The following PLPP1 variants were observed in gnomAD, a reference collection of about 807,000 sequenced individuals.
PLPP1 encodes the protein lipid phosphate phosphohydrolase 1a.
Under a neutral mutation model 31.2 loss-of-function variants are expected in PLPP1, and 24 were observed. That is an observed-to-expected ratio of 0.77 (90% CI 0.56 to 1.08). The LOEUF is 1.08. PLPP1 is among the 50% of genes least tolerant of loss of function. The pLI is 0.00. For missense variants in PLPP1, 319 were observed against 342.7 expected (o/e 0.93, Z 0.55); for synonymous variants, 146 against 126.3 (o/e 1.16, Z -1.05).
chr5:55,424,924 T>C lies in PLPP1; in HGVS notation c.*282A>G. On this transcript the variant is annotated 3_prime_UTR_variant, in exon 6 of 6. Coordinates refer to ENST00000307259, the MANE Select transcript of PLPP1 (RefSeq NM_003711.4). ...CATCATTCATAGAAAGCATATTACATACATGTTTATACATAAGCATTACAT... is the reference window on the plus strand; with the variant it reads ...CATCATTCATAGAAAGCATATTACACACATGTTTATACATAAGCATTACAT... 3.2e-6 allele frequency: 2 copies of C among 632,448 alleles called. No individual in the cohort carries two copies. Among genetic ancestry groups the C allele is most frequent in the Non-Finnish European group, 5.5e-6 (2 of 366,748 alleles). 39.2% of individuals were successfully genotyped at this position (632,448 alleles called of 1,614,324 possible).
At chr5:55,471,430 G>T (rs781179693) in intron 2 of PLPP1, among the ~76,000 whole-genome samples, 2 of 152,120 alleles carry the variant, frequency 1.3e-5, no homozygotes, top group Non-Finnish European at 1.5e-5. Context: ...TCGAACTCCT[G>T]ACTTTGTGAT....
intron 1 of PLPP1, among the ~76,000 whole-genome samples, chr5:55,503,996 C>T (rs1046943771): frequency 1.6e-4 from 24 of 151,184 alleles, no homozygotes; most frequent in African/African-American, 5.1e-4. Context: ...ACTAATGGAA[C>T]GGGTGCGGTG....
At chr5:55,462,876 G>C (rs1231765908) in intron 3 of PLPP1, among the ~76,000 whole-genome samples, 1 of 152,066 alleles carries the variant, frequency 6.6e-6, no homozygotes, top group Non-Finnish European at 1.5e-5. Context: ...AAGAGGCTCA[G>C]GCAGGAGAAT....
chr5:55,462,897 C>T (rs1408633731), intron 3 of PLPP1, among the ~76,000 whole-genome samples: 3 of 151,586 alleles, frequency 2.0e-5, no homozygotes, highest in Non-Finnish European at 4.4e-5. Flanking sequence ...GGCGTGAACC[C>T]GGGAGGCGAA....
At chr5:55,467,340 A>T (rs959047409) in intron 3 of PLPP1, among the ~76,000 whole-genome samples, 1 of 152,206 alleles carries the variant, frequency 6.6e-6, no homozygotes, top group African/African-American at 2.4e-5. Flanking sequence ...CTTGCTATTA[A>T]CAGCACAGTT....
At position 55,512,322 on chromosome 5, in the gene PLPP1, T is replaced by A. The variant is rs1047132609; in HGVS notation, c.58+22250A>T. On this transcript the variant is annotated intron_variant, in intron 1 of 5. Coordinates refer to ENST00000307259, the MANE Select transcript of PLPP1 (RefSeq NM_003711.4). ...CCCGTCTCTACTAAAAATACAAAAATTAGCCAGGCGTGGTGGCAGGTGCCT... is the reference window on the plus strand; with the variant it reads ...CCCGTCTCTACTAAAAATACAAAAAATAGCCAGGCGTGGTGGCAGGTGCCT... Among the ~76,000 whole-genome samples, 14 of 151,028 alleles carry A rather than the reference T, an allele frequency of 9.3e-5. No homozygotes were observed. In the East Asian group the frequency reaches 1.6e-3, roughly 17 times the overall value.
intron 4 of PLPP1, among the ~76,000 whole-genome samples, chr5:55,437,945 G>A (rs1751531449): frequency 6.6e-6 from 1 of 152,204 alleles, no homozygotes; most frequent in Non-Finnish European, 1.5e-5. Context: ...TAAGGAAAGT[G>A]GATAGTATGA....
At position 55,426,063 on chromosome 5, in the gene PLPP1, A is replaced by C. The variant is rs748686896; in HGVS notation, c.550-24T>G. The C allele has an allele frequency of 2.6e-6, 4 of 1,551,296 alleles. No homozygotes were observed. In the African/African-American group the frequency reaches 5.6e-5, roughly 22 times the overall value. The stretch of plus-strand genomic sequence containing the variant: ...AGCTAAAAGAAAAGAATAAAGAAAA[A>C]AATAGTTTATTTAACATAACGCAAA... On this transcript the variant is annotated intron_variant, in intron 4 of 5. Coordinates refer to ENST00000307259, the MANE Select transcript of PLPP1 (RefSeq NM_003711.4).
chr5:55,462,799 C>T (rs1727917983), intron 3 of PLPP1, among the ~76,000 whole-genome samples: 1 of 151,858 alleles, frequency 6.6e-6, no homozygotes, highest in Non-Finnish European at 1.5e-5. Context: ...CGGTGAAACC[C>T]CATCTCTACT....
intron 2 of PLPP1, among the ~76,000 whole-genome samples, chr5:55,471,469 G>A (rs1752414335): frequency 6.6e-6 from 1 of 152,028 alleles, no homozygotes; most frequent in Admixed American, 6.6e-5. Context: ...CAAAGTGCTG[G>A]GATTACAGGT....
intron 2 of PLPP1, among the ~76,000 whole-genome samples, chr5:55,472,022 T>C (rs1752426325): frequency 6.6e-6 from 1 of 152,270 alleles, no homozygotes; most frequent in Non-Finnish European, 1.5e-5. Flanking sequence ...CTCAGGTGGC[T>C]GAAGCAGGAG....
intron 3 of PLPP1, among the ~76,000 whole-genome samples, chr5:55,465,384 G>A (rs1752266929): frequency 6.6e-6 from 1 of 152,056 alleles, no homozygotes; most frequent in Admixed American, 6.6e-5. Context: ...TCATAAATAT[G>A]TATGGTATTT....
intron 4 of PLPP1, 99 bp downstream of exon 4, chr5:55,441,752 C>T: frequency 7.9e-7 from 1 of 1,257,906 alleles, no homozygotes; most frequent in Non-Finnish European, 1.2e-6. Context: ...TCACCTTTTG[C>T]TACTGGCTAA....
intron 1 of PLPP1, among the ~76,000 whole-genome samples, chr5:55,523,200 G>A (rs772868919): frequency 1.3e-5 from 2 of 151,882 alleles, no homozygotes; most frequent in African/African-American, 4.8e-5. Flanking sequence ...TGGGGTATCT[G>A]TCACCTCAAC....
intron 3 of PLPP1, among the ~76,000 whole-genome samples, chr5:55,459,572 G>C (rs2111763599): frequency 6.6e-6 from 1 of 152,230 alleles, no homozygotes; most frequent in Non-Finnish European, 1.5e-5. Context: ...CAACTAATTT[G>C]AAAGAATTCT....
chr5:55,533,690 CTTTG>C lies in PLPP1; in HGVS notation c.58+878_58+881del, dbSNP rs370261783. Among the ~76,000 whole-genome samples, 207 of 152,272 alleles carry C rather than the reference CTTTG, an allele frequency of 1.4e-3. 2 individuals are homozygous for C. In the Middle Eastern group the frequency reaches 0.024, roughly 18 times the overall value. ...CTATCCAAACCTCCAGCAGCTCTTG[CTTTG>C]TTTTTGTTTATTCCATCATATATAA... On this transcript the variant is annotated intron_variant, in intron 1 of 5. Coordinates refer to ENST00000307259, the MANE Select transcript of PLPP1 (RefSeq NM_003711.4).
chr5:55,461,236 G>C (rs1490172928), intron 3 of PLPP1, among the ~76,000 whole-genome samples: 3 of 152,064 alleles, frequency 2.0e-5, no homozygotes, highest in Non-Finnish European at 4.4e-5. Context: ...TTCCCACAAA[G>C]AAACTTCTAG....
chr5:55,461,395 A>T (rs181313414), intron 3 of PLPP1, among the ~76,000 whole-genome samples: 1 of 152,274 alleles, frequency 6.6e-6, no homozygotes, highest in African/African-American at 2.4e-5. Flanking sequence ...ACCAAATCCA[A>T]TTAATATAAA....
intron 3 of PLPP1, among the ~76,000 whole-genome samples, chr5:55,455,565 G>C (rs191391358): frequency 7.3e-4 from 111 of 152,308 alleles, no homozygotes; most frequent in South Asian, 2.5e-3. Flanking sequence ...AGGCTGTAGT[G>C]CGCTGTGATC....
Sources: gnomAD v4.1 joint callset for allele counts (sites outside exome capture counted in the v4.1 genomes callset) on GRCh38, gnomAD v4.1.1 for gene constraint, MANE v1.5 for transcripts, NCBI Gene and HGNC (gene_info 2026-07-23, HGNC 2026-07-21) for gene names.